SDK1: variants seen among roughly 807,000 people sequenced by gnomAD.
The protein encoded by SDK1 is protein sidekick-1.
Under a neutral mutation model 245.5 loss-of-function variants are expected in SDK1, and 157 were observed. The ratio of observed to expected loss-of-function variants is 0.64; its 90% CI spans 0.56 to 0.73. SDK1 has a LOEUF of 0.73. Among genes scored for constraint, SDK1 ranks in the 30% least tolerant of loss-of-function variants. SDK1 has a pLI of 0.00. For synonymous variants in SDK1, 1,647 were observed against 1,278.5 expected (o/e 1.29, Z -6.15); for missense variants, 3,583 against 3,002.3 (o/e 1.19, Z -4.52).
At chr7:3,399,493 C>G (rs1778823406) in intron 1 of SDK1, among the ~76,000 whole-genome samples, 1 of 152,020 alleles carries the variant, frequency 6.6e-6, no homozygotes, top group Non-Finnish European at 1.5e-5. Flanking sequence ...TCTTTGCATG[C>G]TTCATATTTT....
At chr7:3,841,912 T>C (rs1347455699) in intron 5 of SDK1, among the ~76,000 whole-genome samples, 3 of 152,066 alleles carry the variant, frequency 2.0e-5, no homozygotes, top group Non-Finnish European at 2.9e-5. Context: ...GACCGACCCA[T>C]TGGGTGGTGG....
At chr7:4,076,502 GC>G in intron 20 of SDK1, among the ~76,000 whole-genome samples, 1 of 152,294 alleles carries the variant, frequency 6.6e-6, no homozygotes, top group South Asian at 2.1e-4. Context: ...GCTGCAGTGA[GC>G]TATGATTGCA....
intron 1 of SDK1, among the ~76,000 whole-genome samples, chr7:3,524,357 G>A (rs1783047242): frequency 6.6e-6 from 1 of 152,128 alleles, no homozygotes; most frequent in South Asian, 2.1e-4. Context: ...GTGAGATGGT[G>A]GCAAGGATGG....
intron 1 of SDK1, among the ~76,000 whole-genome samples, chr7:3,488,377 CTTT>C (rs1333008502): frequency 2.6e-5 from 4 of 152,012 alleles, no homozygotes; most frequent in African/African-American, 9.6e-5. Flanking sequence ...TGTTTGGCTT[CTTT>C]GAGACACGAT....
intron 36 of SDK1, among the ~76,000 whole-genome samples, chr7:4,206,679 C>G (rs547850680): frequency 6.6e-6 from 1 of 152,272 alleles, no homozygotes; most frequent in South Asian, 2.1e-4. Flanking sequence ...CACGTCCCAT[C>G]CCTGAGGCCT....
Position 4,208,146 on chromosome 7 carries a change from G to T in SDK1, c.5262G>T (p.Lys1754Asn). The change falls in exon 37 of 45, where the codon AAG becomes AAT. Residue 1754 changes from lysine (K) to asparagine (N), a missense_variant. Transcript: ENST00000404826. ...GCCAGAACGAAACGGAGAAAATGAA[G>T]GTCCTCTTCCTCCCCGAGCCCGTGG... is the stretch of plus-strand genomic sequence containing the variant. ...ADSQNETEKMKVLFLPEPVVR... is the reference protein window; with the variant it reads ...ADSQNETEKMNVLFLPEPVVR... The T allele has an allele frequency of 1.2e-6, 2 of 1,613,960 alleles. No individual in the cohort carries two copies. The highest frequency in any genetic ancestry group is 1.1e-5 in the South Asian group (1 of 91,050).
At chr7:3,448,593 T>TA (rs1780415850) in intron 1 of SDK1, among the ~76,000 whole-genome samples, 1 of 152,174 alleles carries the variant, frequency 6.6e-6, no homozygotes, top group African/African-American at 2.4e-5. Context: ...TTATTTTTTA[T>TA]ATAAATATCT....
chr7:3,820,387 A>G (rs534939892), intron 4 of SDK1, among the ~76,000 whole-genome samples: 14 of 152,274 alleles, frequency 9.2e-5, no homozygotes, highest in African/African-American at 2.4e-4. Context: ...TGACGTCACA[A>G]TCTGTCCACC....
intron 1 of SDK1, among the ~76,000 whole-genome samples, chr7:3,405,236 A>G (rs937176806): frequency 1.3e-5 from 2 of 152,130 alleles, no homozygotes; most frequent in African/African-American, 4.8e-5. Flanking sequence ...TAAGTGTGGC[A>G]TATTGGTGGC....
At chr7:3,886,054 A>G (rs1781331717) in intron 5 of SDK1, among the ~76,000 whole-genome samples, 1 of 152,168 alleles carries the variant, frequency 6.6e-6, no homozygotes, top group Non-Finnish European at 1.5e-5. Context: ...AAGGCAGCAG[A>G]TCGGAGGTTA....
At chr7:3,666,664 C>T (rs1480953226) in intron 4 of SDK1, among the ~76,000 whole-genome samples, 2 of 151,304 alleles carry the variant, frequency 1.3e-5, no homozygotes, top group Non-Finnish European at 2.9e-5. Flanking sequence ...GCGTCGTTGG[C>T]GATTGGTATT....
At chr7:3,919,330 G>GTCTTGC (rs148454931) in intron 5 of SDK1, among the ~76,000 whole-genome samples, 3,178 of 152,340 alleles carry the variant, frequency 0.021, 44 homozygotes, top group Middle Eastern at 0.031. Context: ...GGGTGTCCCA[G>GTCTTGC]TCTTGCTCTT....
intron 28 of SDK1, among the ~76,000 whole-genome samples, chr7:4,136,807 G>A (rs16871108): frequency 0.044 from 6,741 of 152,348 alleles, 374 homozygotes; most frequent in African/African-American, 0.13. Context: ...AAGGGTGTGC[G>A]GGAACTCTGC....
chr7:3,617,251 G>C (rs912323318), intron 1 of SDK1, among the ~76,000 whole-genome samples: 1 of 152,146 alleles, frequency 6.6e-6, no homozygotes, highest in African/African-American at 2.4e-5. Context: ...ATATTTATTA[G>C]CTATCCCCTT....
chr7:3,451,042 C>T (rs1269824923), intron 1 of SDK1, among the ~76,000 whole-genome samples: 2 of 152,096 alleles, frequency 1.3e-5, no homozygotes, highest in Non-Finnish European at 2.9e-5. Flanking sequence ...ATAAAGAGGT[C>T]ATCAGTGGCT....
chr7:3,713,847 A>G (rs1022682058), intron 4 of SDK1, among the ~76,000 whole-genome samples: 1 of 152,210 alleles, frequency 6.6e-6, no homozygotes, highest in Admixed American at 6.5e-5. Context: ...CAAGTCCTAT[A>G]TCAAGTAATC....
At chr7:3,912,513 G>A (rs1164995647) in intron 5 of SDK1, among the ~76,000 whole-genome samples, 1 of 152,208 alleles carries the variant, frequency 6.6e-6, no homozygotes, top group Non-Finnish European at 1.5e-5. Flanking sequence ...GAGAGGCTTT[G>A]ATATTTATCC....
intron 5 of SDK1, among the ~76,000 whole-genome samples, chr7:3,850,040 G>GTAAC (rs1255522007): frequency 6.6e-6 from 1 of 152,196 alleles, no homozygotes. Flanking sequence ...TTGGAGTTAT[G>GTAAC]TAACATCAGT....
chr7:3,823,017 C>T (rs952515001), intron 5 of SDK1, among the ~76,000 whole-genome samples: 13 of 151,982 alleles, frequency 8.6e-5, no homozygotes, highest in Admixed American at 4.6e-4. Context: ...AATTGAATCT[C>T]GCTCTGCAGA....
Sources: gnomAD v4.1 joint callset for allele counts (sites outside exome capture counted in the v4.1 genomes callset) on GRCh38, gnomAD v4.1.1 for gene constraint, MANE v1.5 for transcripts, NCBI Gene and HGNC (gene_info 2026-07-23, HGNC 2026-07-21) for gene names.